SLC22A3: variants seen among roughly 807,000 people sequenced by gnomAD.
SLC22A3 encodes the protein EMT organic cation transporter 3.
SLC22A3 carries 51 observed loss-of-function variants against 59.1 expected under a neutral mutation model. The ratio of observed to expected loss-of-function variants is 0.86; its 90% CI spans 0.69 to 1.09. The LOEUF is 1.09. Ranked by LOEUF, SLC22A3 falls within the 50% of genes least tolerant of loss-of-function variation. The pLI is 0.00. For synonymous variants in SLC22A3, 325 were observed against 292.0 expected, an observed-to-expected ratio of 1.11 and a Z score of -1.15; for missense variants, 711 against 726.3, an observed-to-expected ratio of 0.98 and a Z score of 0.24.
intron 2 of SLC22A3, among the ~76,000 whole-genome samples, chr6:160,405,932 A>G (rs1405744419): frequency 6.6e-6 from 1 of 152,154 alleles, no homozygotes; most frequent in Admixed American, 6.5e-5. Flanking sequence ...AGAGGGAGGG[A>G]TGAACAGGCA....
intron 1 of SLC22A3, among the ~76,000 whole-genome samples, chr6:160,351,876 TC>T (rs1393510787): frequency 1.3e-5 from 2 of 152,218 alleles, no homozygotes; most frequent in Non-Finnish European, 2.9e-5. Context: ...TGGATTCAAA[TC>T]CGGGGGCCTT....
intron 1 of SLC22A3, among the ~76,000 whole-genome samples, chr6:160,385,297 GAC>G (rs1785958396): frequency 1.3e-5 from 2 of 152,338 alleles, no homozygotes; most frequent in Admixed American, 1.3e-4. Flanking sequence ...TCTGTAGATG[GAC>G]AGAGTTGTTC....
intron 1 of SLC22A3, among the ~76,000 whole-genome samples, chr6:160,376,173 C>T (rs956873255): frequency 5.3e-5 from 8 of 152,102 alleles, no homozygotes; most frequent in South Asian, 2.1e-4. Flanking sequence ...TAAAAAGGAA[C>T]GAGATCATGT....
rs1180856372 is a variant in SLC22A3, at chr6:160,450,999, A to G, written c.1614A>G (p.Pro538=). Residue 538 remains proline, a synonymous_variant, in exon 11 of 11, where the codon CCA becomes CCG. Coordinates refer to ENST00000275300, the MANE Select transcript of SLC22A3 (RefSeq NM_021977.4). ...ACTTTCTCCTTTGTTTTTTCAGTCC[A>G]CATTCCTGTAAATGTGGCAGGAATA... ...TVDDVEKLGS[P]HSCKCGRNKK... is the part of the protein sequence containing the mutation. 6.3e-7 allele frequency: 1 copy of G among 1,590,658 alleles called. No homozygotes were observed. The highest frequency in any genetic ancestry group is 8.6e-7 in the Non-Finnish European group (1 of 1,166,084).
At chr6:160,357,383 A>C (rs1297670073) in intron 1 of SLC22A3, among the ~76,000 whole-genome samples, 1 of 152,170 alleles carries the variant, frequency 6.6e-6, no homozygotes, top group East Asian at 1.9e-4. Context: ...CTCTGATTTC[A>C]TGACACTTCT....
At position 160,410,764 on chromosome 6, in the gene SLC22A3, G is replaced by A. The variant is rs151135411; in HGVS notation, c.893G>A (p.Arg298Gln). 1,124 of 1,613,148 alleles carry A rather than the reference G, an allele frequency of 7.0e-4. 1 individual carries two copies. Among genetic ancestry groups the A allele is most frequent in the Admixed American group, 1.2e-3 (70 of 59,960 alleles). ...VPESPRWLITRKKGDKALQIL... is the reference protein window; with the variant it reads ...VPESPRWLITQKKGDKALQIL... Reference sequence around the variant, plus strand: ...GAGTCTCCCCGTTGGCTGATTACTCGGAAGAAAGGAGATAAAGCATTACAG... The same window carrying A: ...GAGTCTCCCCGTTGGCTGATTACTCAGAAGAAAGGAGATAAAGCATTACAG... Residue 298 changes from arginine (R) to glutamine (Q), a missense_variant, in exon 5 of 11, where the codon CGG (arginine) becomes CAG (glutamine). Coordinates refer to ENST00000275300, the MANE Select transcript of SLC22A3 (RefSeq NM_021977.4).
intron 2 of SLC22A3, among the ~76,000 whole-genome samples, chr6:160,400,417 C>G (rs1434616454): frequency 6.6e-6 from 1 of 151,988 alleles, no homozygotes; most frequent in South Asian, 2.1e-4. Flanking sequence ...CAGCTCCAGC[C>G]CCCTCTAGCC....
intron 2 of SLC22A3, among the ~76,000 whole-genome samples, chr6:160,403,835 A>G (rs550100041): frequency 6.6e-6 from 1 of 152,182 alleles, no homozygotes; most frequent in South Asian, 2.1e-4. Flanking sequence ...ATCAATAGAT[A>G]CAGACAAAGT....
chr6:160,419,937 T>C (rs1475940109), intron 5 of SLC22A3, among the ~76,000 whole-genome samples: 1 of 152,224 alleles, frequency 6.6e-6, no homozygotes, highest in Admixed American at 6.5e-5. Context: ...AATGGATTTG[T>C]TTACTTTCCA....
At chr6:160,426,094 T>G (rs1473539564) in intron 5 of SLC22A3, 1 of 985,400 alleles carries the variant, frequency 1.0e-6, no homozygotes, top group Non-Finnish European at 1.2e-6. Flanking sequence ...ACCCGCAAAC[T>G]CCAAAACTCA....
chr6:160,408,034 G>C lies in SLC22A3; in HGVS notation c.689-719G>C, dbSNP rs550610049. Among the ~76,000 whole-genome samples the C allele has an allele frequency of 1.8e-4, 28 of 152,284 alleles. No homozygotes were observed. The East Asian group carries it at 5.2e-3, about 28-fold the overall frequency. On this transcript the variant is annotated intron_variant, in intron 3 of 10. Coordinates refer to ENST00000275300, the MANE Select transcript of SLC22A3 (RefSeq NM_021977.4). Reference sequence around the variant, plus strand: ...GGATTGGTTGTCACTGTCTGGAACAGAAGGAGTAACATTGGAAGGCAAGGC... The same window carrying C: ...GGATTGGTTGTCACTGTCTGGAACACAAGGAGTAACATTGGAAGGCAAGGC...
intron 5 of SLC22A3, among the ~76,000 whole-genome samples, chr6:160,421,834 T>C (rs1273694286): frequency 6.6e-6 from 1 of 152,206 alleles, no homozygotes; most frequent in African/African-American, 2.4e-5. Flanking sequence ...ATCCTTCCAC[T>C]CTATCAGTGT....
Position 160,451,082 on chromosome 6 carries a change from G to T in SLC22A3, c.*26G>T. 6.3e-7 allele frequency: 1 copy of T among 1,577,526 alleles called. No homozygotes were observed. Among genetic ancestry groups the T allele is most frequent in the Non-Finnish European group, 8.6e-7 (1 of 1,158,228 alleles). Reference sequence around the variant, plus strand: ...GGCCCCCGACAAAGACAGAAAGAAGGAGCTATCCAGGAGCTGATCCTCCTT... The same window carrying T: ...GGCCCCCGACAAAGACAGAAAGAAGTAGCTATCCAGGAGCTGATCCTCCTT... On this transcript the variant is annotated 3_prime_UTR_variant, in exon 11 of 11. Transcript: ENST00000275300.
chr6:160,437,419 T>A (rs1788385030), intron 7 of SLC22A3, among the ~76,000 whole-genome samples: 1 of 152,242 alleles, frequency 6.6e-6, no homozygotes, highest in African/African-American at 2.4e-5. Flanking sequence ...ATTGCTAGGA[T>A]CATTTATGAA....
chr6:160,367,198 A>G (rs937732698), intron 1 of SLC22A3, among the ~76,000 whole-genome samples: 4 of 152,172 alleles, frequency 2.6e-5, no homozygotes, highest in Non-Finnish European at 5.9e-5. Flanking sequence ...ACTTACAATC[A>G]TGGTAGAAGG....
At chr6:160,396,771 C>A (rs957722090) in intron 1 of SLC22A3, among the ~76,000 whole-genome samples, 1 of 151,812 alleles carries the variant, frequency 6.6e-6, no homozygotes, top group Non-Finnish European at 1.5e-5. Flanking sequence ...CAATTATGAT[C>A]TAAAGATAAT....
chr6:160,436,720 T>G (rs1006781321), intron 5 of SLC22A3, 60 bp from the exon 6 acceptor site: 4 of 1,079,346 alleles, frequency 3.7e-6, no homozygotes, highest in Admixed American at 1.9e-5. Context: ...GACAAGTCTA[T>G]ACTATGCAGG....
intron 8 of SLC22A3, 77 bp from the exon 9 acceptor site, chr6:160,443,553 A>T: frequency 2.1e-6 from 2 of 974,092 alleles, no homozygotes; most frequent in Non-Finnish European, 3.2e-6. Flanking sequence ...TGGTTTTTTA[A>T]TATGTCTGAA....
At chr6:160,398,794 A>G (rs1411042983) in intron 2 of SLC22A3, among the ~76,000 whole-genome samples, 2 of 152,190 alleles carry the variant, frequency 1.3e-5, no homozygotes, top group Non-Finnish European at 2.9e-5. Context: ...TATCCCCCTT[A>G]GCAGGAGTAA....
Sources: gnomAD v4.1 joint callset for allele counts (sites outside exome capture counted in the v4.1 genomes callset) on GRCh38, gnomAD v4.1.1 for gene constraint, MANE v1.5 for transcripts, NCBI Gene and HGNC (gene_info 2026-07-23, HGNC 2026-07-21) for gene names.